CMKLR2: variants seen among roughly 807,000 people sequenced by gnomAD.
The protein encoded by CMKLR2 is chemerin chemokine-like receptor 2, also known as chemerin-like receptor 2.
Under a neutral mutation model 23.0 loss-of-function variants are expected in CMKLR2, and 18 were observed. The observed-to-expected ratio is 0.78, with a 90% CI of 0.54 to 1.16. CMKLR2 has a LOEUF of 1.16. Among genes scored for constraint, CMKLR2 ranks in the 50% most tolerant of loss-of-function variants. The pLI is 0.00. For synonymous variants in CMKLR2, 158 were observed against 158.9 expected, an observed-to-expected ratio of 0.99 and a Z score of 0.05; for missense variants, 401 against 412.7, an observed-to-expected ratio of 0.97 and a Z score of 0.25.
At chr2:206,183,306 C>T (rs932007749) in intron 1 of CMKLR2, among the ~76,000 whole-genome samples, 1 of 152,176 alleles carries the variant, frequency 6.6e-6, no homozygotes, top group African/African-American at 2.4e-5. Flanking sequence ...TAGCTTCTAA[C>T]CACTATCCTC....
At chr2:206,193,552 T>G (rs967984731) in intron 1 of CMKLR2, among the ~76,000 whole-genome samples, 5 of 152,216 alleles carry the variant, frequency 3.3e-5, no homozygotes, top group Admixed American at 6.5e-5. Flanking sequence ...ATGTTTAGTT[T>G]ATGTTGCAGA....
At chr2:206,206,632 C>T (rs1433155822) in intron 1 of CMKLR2, among the ~76,000 whole-genome samples, 2 of 152,212 alleles carry the variant, frequency 1.3e-5, no homozygotes, top group Non-Finnish European at 2.9e-5. Flanking sequence ...GCAACTGTTA[C>T]TACATATGTG....
upstream of CMKLR2, chr2:206,213,805 A>T (rs964750037): frequency 3.3e-5 from 5 of 152,230 alleles, no homozygotes; most frequent in Admixed American, 3.3e-4. Context: ...CCTGATAGTG[A>T]AGAGATGGAA....
intron 1 of CMKLR2, among the ~76,000 whole-genome samples, chr2:206,205,412 G>C (rs750575856): frequency 3.3e-5 from 5 of 152,040 alleles, no homozygotes; most frequent in Non-Finnish European, 7.4e-5. Flanking sequence ...CTCCAGGCTA[G>C]AGTGCACTAG....
chr2:206,217,879 T>C (rs777809839), upstream of CMKLR2: 8 of 152,206 alleles, frequency 5.3e-5, no homozygotes, highest in Admixed American at 2.0e-4. Context: ...GGCTCTGGGC[T>C]CTGTCTGAAT....
chr2:206,182,109 G>C (rs184258553), intron 1 of CMKLR2, among the ~76,000 whole-genome samples: 1 of 151,978 alleles, frequency 6.6e-6, no homozygotes, highest in East Asian at 1.9e-4. Context: ...TTGCTGTCTC[G>C]GGGTGGTAGG....
chr2:206,181,721 G>A (rs765278824), intron 1 of CMKLR2, among the ~76,000 whole-genome samples: 3 of 152,140 alleles, frequency 2.0e-5, no homozygotes, highest in Non-Finnish European at 2.9e-5. Context: ...GGGAGGCCGA[G>A]GTGGGTGAAT....
At chr2:206,191,018 AC>A (rs1421042835) in intron 1 of CMKLR2, among the ~76,000 whole-genome samples, 7 of 152,192 alleles carry the variant, frequency 4.6e-5, no homozygotes, top group African/African-American at 1.7e-4. Flanking sequence ...TTAGGAAGAA[AC>A]TTTTAGGCTT....
At chr2:206,195,724 G>A (rs575298711) in intron 1 of CMKLR2, among the ~76,000 whole-genome samples, 1 of 152,274 alleles carries the variant, frequency 6.6e-6, no homozygotes, top group African/African-American at 2.4e-5. Context: ...GGAGGCCGAG[G>A]CAGGCAGATC....
At chr2:206,189,218 G>T (rs908145938) in intron 1 of CMKLR2, among the ~76,000 whole-genome samples, 2 of 152,190 alleles carry the variant, frequency 1.3e-5, no homozygotes, top group Admixed American at 1.3e-4. Flanking sequence ...GTCTACGTAG[G>T]TTGCCTGTGT....
intron 1 of CMKLR2, among the ~76,000 whole-genome samples, chr2:206,190,962 T>C (rs899372097): frequency 2.6e-5 from 4 of 152,236 alleles, no homozygotes; most frequent in African/African-American, 9.6e-5. Context: ...ACTTGTATAA[T>C]CTGTATGGCT....
chr2:206,176,166 G>A lies in CMKLR2; in HGVS notation c.*14C>T. On this transcript the variant is annotated 3_prime_UTR_variant, in exon 2 of 2. Coordinates refer to ENST00000621141, the MANE Select transcript of CMKLR2 (RefSeq NM_001389445.1). ...CATAAAAAGCCATATACTGATTTGT[G>A]GAAAAGTAATAACTTATTGAGCTGT... 1 of 1,568,314 alleles carries A rather than the reference G, an allele frequency of 6.4e-7. No individual in the cohort carries two copies. The highest frequency in any genetic ancestry group is 8.7e-7 in the Non-Finnish European group (1 of 1,154,090).
intron 1 of CMKLR2, among the ~76,000 whole-genome samples, chr2:206,204,724 T>A (rs1459907946): frequency 6.6e-6 from 1 of 151,960 alleles, no homozygotes; most frequent in Non-Finnish European, 1.5e-5. Context: ...CGCACCCGGT[T>A]TGTGGGTACT....
chr2:206,198,088 G>T (rs1688976043), intron 1 of CMKLR2, among the ~76,000 whole-genome samples: 1 of 152,148 alleles, frequency 6.6e-6, no homozygotes. Flanking sequence ...GGCGAAGCTG[G>T]GTTATGGAAG....
chr2:206,188,203 G>A (rs574996130), intron 1 of CMKLR2, among the ~76,000 whole-genome samples: 3 of 152,144 alleles, frequency 2.0e-5, no homozygotes, highest in African/African-American at 7.2e-5. Flanking sequence ...CAAAATGCTG[G>A]GATTACAGGT....
upstream of CMKLR2, among the ~76,000 whole-genome samples, chr2:206,216,550 G>A (rs552431328): frequency 6.0e-4 from 91 of 152,254 alleles, no homozygotes; most frequent in African/African-American, 1.9e-3. Flanking sequence ...CCAAAATGCC[G>A]GGATTACAGG....
intron 1 of CMKLR2, among the ~76,000 whole-genome samples, chr2:206,196,460 C>T (rs1688925264): frequency 1.3e-5 from 2 of 152,140 alleles, no homozygotes; most frequent in Non-Finnish European, 2.9e-5. Context: ...AATAAATCTA[C>T]ATTCCTTTTC....
chr2:206,203,725 A>G (rs1347539025), intron 1 of CMKLR2: 1 of 152,212 alleles, frequency 6.6e-6, no homozygotes, highest in African/African-American at 2.4e-5. Context: ...TAGCGAACTA[A>G]TGAATGTGAG....
chr2:206,200,885 A>G (rs543428856), intron 1 of CMKLR2, among the ~76,000 whole-genome samples: 2 of 152,232 alleles, frequency 1.3e-5, no homozygotes, highest in Admixed American at 6.5e-5. Context: ...CTCATCACAG[A>G]TTTTCTCTAA....
Sources: allele counts gnomAD v4.1 joint callset (sites outside exome capture counted in the v4.1 genomes callset), GRCh38; gene constraint gnomAD v4.1.1; transcripts MANE v1.5; gene names NCBI Gene and HGNC (gene_info 2026-07-23, HGNC 2026-07-21).